SLIT2: variants seen among roughly 807,000 people sequenced by gnomAD.
SLIT2 encodes the protein slit guidance ligand 2, also known as slit homolog 2 protein.
SLIT2 carries 41 observed loss-of-function variants against 185.7 expected under a neutral mutation model. That is an observed-to-expected ratio of 0.22 (90% CI 0.17 to 0.29). The LOEUF (loss-of-function observed/expected upper bound fraction) is 0.29. SLIT2 is among the 10% of genes least tolerant of loss of function. The pLI is 1.00. For missense variants in SLIT2, 1,571 were observed against 1,909.0 expected (o/e 0.82, Z 3.30); for synonymous variants, 693 against 680.2 (o/e 1.02, Z -0.29).
At chr4:20,292,883 AT>A (rs1560290266) in intron 4 of SLIT2, among the ~76,000 whole-genome samples, 1 of 152,200 alleles carries the variant, frequency 6.6e-6, no homozygotes, top group African/African-American at 2.4e-5. Flanking sequence ...TATTGATACA[AT>A]GATAATGACT....
At chr4:20,282,910 C>T (rs1047160857) in intron 4 of SLIT2, among the ~76,000 whole-genome samples, 2 of 152,046 alleles carry the variant, frequency 1.3e-5, no homozygotes, top group Admixed American at 6.5e-5. Flanking sequence ...TTTGTGCCAG[C>T]GTTGTCACGT....
At chr4:20,558,035 C>T (rs1233500133) in intron 26 of SLIT2, among the ~76,000 whole-genome samples, 2 of 152,002 alleles carry the variant, frequency 1.3e-5, no homozygotes, top group African/African-American at 2.4e-5. Flanking sequence ...ATGCTTCTTA[C>T]GGATGAGCAA....
intron 5 of SLIT2, among the ~76,000 whole-genome samples, chr4:20,473,104 A>G (rs1272108655): frequency 6.6e-6 from 1 of 151,904 alleles, no homozygotes; most frequent in Admixed American, 6.6e-5. Context: ...TGTGAGGTAA[A>G]CCACACCTGC....
chr4:20,495,277 G>A (rs912046705), intron 9 of SLIT2, among the ~76,000 whole-genome samples: 2 of 152,180 alleles, frequency 1.3e-5, no homozygotes, highest in Non-Finnish European at 2.9e-5. Flanking sequence ...ATTCTAAGAT[G>A]CAGAAACCTG....
intron 5 of SLIT2, among the ~76,000 whole-genome samples, chr4:20,473,860 C>T (rs1715825049): frequency 6.6e-6 from 1 of 152,024 alleles, no homozygotes; most frequent in Admixed American, 6.6e-5. Context: ...TGCAAGACCT[C>T]ATTAGGTTTG....
Position 20,484,566 on chromosome 4 carries a change from G to A in SLIT2, c.540-1634G>A, listed in dbSNP as rs535806025. Among the ~76,000 whole-genome samples, 4 of 152,206 alleles carry A rather than the reference G, an allele frequency of 2.6e-5. No homozygotes were observed. Among genetic ancestry groups the A allele is most frequent in the Admixed American group, 1.3e-4 (2 of 15,278 alleles). On this transcript the variant is annotated intron_variant, in intron 6 of 36. Transcript: ENST00000504154. This position sits in a 1 kb window ranked among gnomAD's most constrained non-coding sequence, Gnocchi z 4.3. ...TCTGGGTCTCTAGCTGACATGCCCTGTTTTACTGAAAAGTTTTTGTCAATC... is the reference window on the plus strand; with the variant it reads ...TCTGGGTCTCTAGCTGACATGCCCTATTTTACTGAAAAGTTTTTGTCAATC...
chr4:20,585,975 A>G (rs1169972150), intron 29 of SLIT2, among the ~76,000 whole-genome samples: 2 of 152,196 alleles, frequency 1.3e-5, no homozygotes, highest in Non-Finnish European at 2.9e-5. Flanking sequence ...AATGTTAGTC[A>G]TTTTATCTCT....
intron 23 of SLIT2, 61 bp downstream of exon 23, chr4:20,548,620 G>A: frequency 1.0e-6 from 1 of 967,008 alleles, no homozygotes; most frequent in Non-Finnish European, 1.7e-6. Context: ...GCAGTCTCTA[G>A]ATGCTGGACA....
intron 11 of SLIT2, among the ~76,000 whole-genome samples, chr4:20,514,122 T>C (rs1171395870): frequency 2.0e-5 from 3 of 152,200 alleles, no homozygotes; most frequent in Non-Finnish European, 2.9e-5. Flanking sequence ...CTTGGGAGTA[T>C]GTAGTTTACT....
intron 22 of SLIT2, among the ~76,000 whole-genome samples, chr4:20,546,634 A>G (rs1723273335): frequency 1.3e-5 from 2 of 152,118 alleles, no homozygotes; most frequent in Non-Finnish European, 2.9e-5. Context: ...AAAGATACTA[A>G]CATTTTGAGT....
At chr4:20,294,709 A>T (rs1308532382) in intron 4 of SLIT2, among the ~76,000 whole-genome samples, 2 of 152,212 alleles carry the variant, frequency 1.3e-5, no homozygotes, top group Non-Finnish European at 2.9e-5. Context: ...GATGTAATTT[A>T]TGGATGAAAA....
intron 26 of SLIT2, among the ~76,000 whole-genome samples, chr4:20,563,327 C>T (rs915467964): frequency 6.6e-6 from 1 of 151,816 alleles, no homozygotes; most frequent in Admixed American, 6.6e-5. Context: ...CCGTGGCACA[C>T]ATCTCATGAA....
chr4:20,508,848 C>A (rs2148822704), intron 9 of SLIT2, among the ~76,000 whole-genome samples: 1 of 152,020 alleles, frequency 6.6e-6, no homozygotes, highest in East Asian at 1.9e-4. Flanking sequence ...TGAGGAAACC[C>A]ATTGAATGGT....
intron 26 of SLIT2, chr4:20,554,415 G>T: frequency 2.3e-6 from 1 of 438,732 alleles, no homozygotes; most frequent in South Asian, 1.6e-5. Flanking sequence ...GCCTTCCTGT[G>T]TTGATGTTCT....
At chr4:20,500,625 T>C (rs1718646515) in intron 9 of SLIT2, among the ~76,000 whole-genome samples, 1 of 152,158 alleles carries the variant, frequency 6.6e-6, no homozygotes, top group African/African-American at 2.4e-5. Flanking sequence ...AAAAAAAATT[T>C]TCAAAAATGT....
At chr4:20,368,417 A>C (rs188671262) in intron 4 of SLIT2, among the ~76,000 whole-genome samples, 1 of 152,064 alleles carries the variant, frequency 6.6e-6, no homozygotes, top group African/African-American at 2.4e-5. Context: ...TGGAAAGAGA[A>C]ATTTCTAAGC....
In SLIT2 at chr4:20,467,779, A is replaced by T; in HGVS notation, c.423A>T (p.Ala141=). 1 of 1,598,980 alleles carries T rather than the reference A, an allele frequency of 6.3e-7. No individual in the cohort carries two copies. Among genetic ancestry groups the T allele is most frequent in the Non-Finnish European group, 8.5e-7 (1 of 1,171,540 alleles). Reference sequence around the variant, plus strand: ...ATCTCAGTGAAAACCAAATTCAGGCAATCCCAAGGAAAGCTTTCCGTGGGG... The same window carrying T: ...ATCTCAGTGAAAACCAAATTCAGGCTATCCCAAGGAAAGCTTTCCGTGGGG... ...RLDLSENQIQ[A]IPRKAFRGAV... The change falls in exon 5 of 37, where the codon GCA becomes GCT. Residue 141 remains alanine, a synonymous_variant. Transcript: ENST00000504154.
chr4:20,266,506 T>G (rs887138314), intron 3 of SLIT2, among the ~76,000 whole-genome samples: 1 of 151,948 alleles, frequency 6.6e-6, no homozygotes, highest in Admixed American at 6.6e-5. Context: ...ATATAAAATG[T>G]AAATGCTAGG....
chr4:20,384,338 T>TA (rs1056005293), intron 4 of SLIT2, among the ~76,000 whole-genome samples: 98 of 152,228 alleles, frequency 6.4e-4, no homozygotes, highest in African/African-American at 2.2e-3. Flanking sequence ...ATTATTCTGA[T>TA]AAAAAACAAA....
Sources: gnomAD v4.1 joint callset for allele counts (sites outside exome capture counted in the v4.1 genomes callset) on GRCh38, gnomAD v4.1.1 for gene constraint, Gnocchi (gnomAD v3.1) non-coding constraint, MANE v1.5 for transcripts, NCBI Gene and HGNC (gene_info 2026-07-23, HGNC 2026-07-21) for gene names.